PHACTR1: variants seen among roughly 807,000 people sequenced by gnomAD.
PHACTR1 encodes phosphatase and actin regulator 1.
In PHACTR1, 16 loss-of-function variants were observed where a neutral mutation model predicts 69.2. The ratio of observed to expected loss-of-function variants is 0.23; its 90% CI spans 0.16 to 0.35. PHACTR1 has a LOEUF of 0.35. Ranked by LOEUF, PHACTR1 falls within the 10% of genes least tolerant of loss-of-function variation. The pLI, the probability that PHACTR1 is intolerant of heterozygous loss-of-function variation, is 1.00. For synonymous variants in PHACTR1, 312 were observed against 284.5 expected (o/e 1.10, Z -0.97); for missense variants, 510 against 734.7 (o/e 0.69, Z 3.54).
rs568972170 is a variant in PHACTR1 at position 12,845,701 on chromosome 6, C to T, written c.250+95911C>T. Among the ~76,000 whole-genome samples, 8 of 152,272 alleles carry T rather than the reference C, an allele frequency of 5.3e-5. 1 individual carries two copies. In the East Asian group the frequency reaches 1.5e-3, roughly 29 times the overall value. ...CACATCTGAGTGCCAGAATTCTGTGCTTTATTAAGTTCCTTTTGTGGGCTC... is the reference window on the plus strand; with the variant it reads ...CACATCTGAGTGCCAGAATTCTGTGTTTTATTAAGTTCCTTTTGTGGGCTC... On this transcript the variant is annotated intron_variant, in intron 4 of 14. Coordinates refer to ENST00000332995, the MANE Select transcript of PHACTR1 (RefSeq NM_030948.6).
chr6:13,226,770 G>A (rs1215279255), intron 8 of PHACTR1, among the ~76,000 whole-genome samples: 7 of 143,394 alleles, frequency 4.9e-5, no homozygotes, highest in Non-Finnish European at 1.5e-5. Flanking sequence ...ATGGAGTCTC[G>A]CTCTGTTGCC....
At chr6:13,230,282 T>C in intron 10 of PHACTR1, 89 bp downstream of exon 10, 1 of 1,542,818 alleles carries the variant, frequency 6.5e-7, no homozygotes, top group South Asian at 1.2e-5. Flanking sequence ...CCGGGCGCAG[T>C]AGCTTATGCC....
chr6:12,720,617 G>A (rs563611429), intron 3 of PHACTR1, among the ~76,000 whole-genome samples: 11 of 152,288 alleles, frequency 7.2e-5, no homozygotes, highest in East Asian at 1.9e-4. Flanking sequence ...AGTCATGTTC[G>A]TATTAGAGTA....
chr6:12,887,884 T>TA (rs1162382905), intron 4 of PHACTR1, among the ~76,000 whole-genome samples: 1 of 151,014 alleles, frequency 6.6e-6, no homozygotes, highest in Admixed American at 6.6e-5. Context: ...GCCTGGGCAA[T>TA]ATGATGAAAC....
At chr6:13,048,392 A>G (rs1805406348) in intron 4 of PHACTR1, among the ~76,000 whole-genome samples, 3 of 152,236 alleles carry the variant, frequency 2.0e-5, no homozygotes, top group Non-Finnish European at 4.4e-5. Flanking sequence ...TTTCCAAAAA[A>G]GGCTGTTTGT....
At chr6:13,006,748 A>G (rs1798849339) in intron 4 of PHACTR1, among the ~76,000 whole-genome samples, 1 of 152,196 alleles carries the variant, frequency 6.6e-6, no homozygotes, top group African/African-American at 2.4e-5. Context: ...CCCAAATTTC[A>G]GCAGCATGAC....
At chr6:12,911,259 A>G (rs1213874263) in intron 4 of PHACTR1, among the ~76,000 whole-genome samples, 1 of 152,030 alleles carries the variant, frequency 6.6e-6, no homozygotes, top group Non-Finnish European at 1.5e-5. Context: ...GGTTCGTTTC[A>G]ATTTTCTGTG....
At chr6:12,868,028 G>C (rs1431737015) in intron 4 of PHACTR1, among the ~76,000 whole-genome samples, 4 of 152,170 alleles carry the variant, frequency 2.6e-5, no homozygotes, top group Non-Finnish European at 5.9e-5. Flanking sequence ...GGGAGGCCAA[G>C]GCGGGCAGAT....
chr6:12,876,988 T>A (rs1374807970), intron 4 of PHACTR1, among the ~76,000 whole-genome samples: 1 of 152,138 alleles, frequency 6.6e-6, no homozygotes, highest in African/African-American at 2.4e-5. Flanking sequence ...GGGATGCAAG[T>A]TCCTCCTTCC....
In PHACTR1 at chr6:13,205,879, G is replaced by C; in HGVS notation, c.729G>C (p.Lys243Asn). The change falls in exon 8 of 15, where the codon AAG (lysine) becomes AAC (asparagine). Residue 243 changes from lysine to asparagine, a missense_variant. Coordinates refer to ENST00000332995, the MANE Select transcript of PHACTR1 (RefSeq NM_030948.6). ...AACTGTCGCCTCCGCTACCTCCAAA[G>C]AAAGTCATGATCTGTATGCCCGTGG... Reference protein sequence around the residue: ...PVKLSPPLPPKKVMICMPVGG... With the variant: ...PVKLSPPLPPNKVMICMPVGG... The C allele has an allele frequency of 6.2e-7, 1 of 1,603,984 alleles. No homozygotes were observed. Among genetic ancestry groups the C allele is most frequent in the South Asian group, 1.1e-5 (1 of 90,916 alleles).
intron 4 of PHACTR1, among the ~76,000 whole-genome samples, chr6:12,802,092 A>T (rs773315333): frequency 2.0e-5 from 3 of 147,002 alleles, no homozygotes; most frequent in Admixed American, 1.4e-4. Context: ...ATATTATATA[A>T]AATAATTTTA....
chr6:12,752,886 T>G (rs1766799635), intron 4 of PHACTR1, among the ~76,000 whole-genome samples: 1 of 152,246 alleles, frequency 6.6e-6, no homozygotes, highest in Non-Finnish European at 1.5e-5. Context: ...ATTGAGAGCA[T>G]AGATAACAGA....
chr6:13,122,106 C>T lies in PHACTR1; in HGVS notation c.416-38098C>T, dbSNP rs145115928. Among the ~76,000 whole-genome samples, 960 of 152,302 alleles carry T rather than the reference C, an allele frequency of 6.3e-3. 8 individuals are homozygous for T. The highest frequency in any genetic ancestry group is 0.011 in the Non-Finnish European group (748 of 68,034). On this transcript the variant is annotated intron_variant, in intron 5 of 14. Coordinates refer to ENST00000332995, the MANE Select transcript of PHACTR1 (RefSeq NM_030948.6). ...CTATTCCTGAGCCCGACAGCCACCACTCTTCAATAAAGACTCATCCTCCCT... is the reference window on the plus strand; with the variant it reads ...CTATTCCTGAGCCCGACAGCCACCATTCTTCAATAAAGACTCATCCTCCCT...
chr6:12,837,808 G>C (rs1394454484), intron 4 of PHACTR1, among the ~76,000 whole-genome samples: 3 of 152,238 alleles, frequency 2.0e-5, no homozygotes, highest in Non-Finnish European at 4.4e-5. Context: ...TAATAGGTAT[G>C]TGTATTAGTC....
chr6:13,215,678 T>C lies in PHACTR1; in HGVS notation c.986+9542T>C, dbSNP rs966417758. 3.9e-5 allele frequency among the ~76,000 whole-genome samples: 6 copies of C among 152,228 alleles called. No individual in the cohort carries two copies. The South Asian group carries it at 8.3e-4, about 21-fold the overall frequency. ...ATAGGAGTCCCAAATGGTTTACTCA[T>C]GTACTTATGTAAAGAAAAACCATAC... On this transcript the variant is annotated intron_variant, in intron 8 of 14. Transcript: ENST00000332995.
At chr6:13,008,789 G>A (rs897848839) in intron 4 of PHACTR1, among the ~76,000 whole-genome samples, 1 of 152,170 alleles carries the variant, frequency 6.6e-6, no homozygotes, top group African/African-American at 2.4e-5. Context: ...CACATTTAGA[G>A]CAAACCTGGA....
At chr6:13,176,444 T>C (rs1334581114) in intron 6 of PHACTR1, among the ~76,000 whole-genome samples, 1 of 152,220 alleles carries the variant, frequency 6.6e-6, no homozygotes, top group Non-Finnish European at 1.5e-5. Flanking sequence ...ATTTTACAAG[T>C]GGCACCTGGG....
chr6:12,725,503 C>T (rs1476869992), intron 3 of PHACTR1, among the ~76,000 whole-genome samples: 6 of 152,196 alleles, frequency 3.9e-5, no homozygotes, highest in African/African-American at 1.4e-4. Flanking sequence ...CCATTGTCAT[C>T]ATCTATGATT....
At chr6:12,913,663 G>A (rs1786652778) in intron 4 of PHACTR1, among the ~76,000 whole-genome samples, 1 of 152,184 alleles carries the variant, frequency 6.6e-6, no homozygotes, top group Non-Finnish European at 1.5e-5. Flanking sequence ...AAATCAGAGA[G>A]GATCTCAGGG....
Sources: gnomAD v4.1 joint callset for allele counts (sites outside exome capture counted in the v4.1 genomes callset) on GRCh38, gnomAD v4.1.1 for gene constraint, MANE v1.5 for transcripts, NCBI Gene and HGNC (gene_info 2026-07-23, HGNC 2026-07-21) for gene names.